The following KIF3B variants were observed in gnomAD, a reference collection of about 807,000 sequenced individuals.
KIF3B encodes kinesin-like protein KIF3B.
Under a neutral mutation model 74.3 loss-of-function variants are expected in KIF3B, and 38 were observed. The observed-to-expected ratio is 0.51, with a 90% CI of 0.39 to 0.67. KIF3B has a LOEUF of 0.67. KIF3B is among the 30% of genes least tolerant of loss of function. The probability of loss-of-function intolerance (pLI) is 0.00; values close to 1 mark genes in which losing one functional copy is unlikely to be tolerated. For missense variants in KIF3B, 649 were observed against 932.0 expected (o/e 0.70, Z 3.95); for synonymous variants, 326 against 342.5 (o/e 0.95, Z 0.53).
chr20:32,315,916 T>C (rs1350947983), intron 2 of KIF3B, among the ~76,000 whole-genome samples: 2 of 152,100 alleles, frequency 1.3e-5, no homozygotes, highest in Non-Finnish European at 2.9e-5. Context: ...AAGGGTCTGC[T>C]TAATATGTTC....
At chr20:32,297,977 G>A (rs936667574) in intron 1 of KIF3B, among the ~76,000 whole-genome samples, 17 of 152,122 alleles carry the variant, frequency 1.1e-4, no homozygotes, top group African/African-American at 3.9e-4. Context: ...GGGCAAGGTG[G>A]CGCATCCCTG....
chr20:32,309,760 A>C lies in KIF3B; in HGVS notation c.-18A>C, dbSNP rs753301218. 1.2e-5 allele frequency: 19 copies of C among 1,598,242 alleles called. No homozygotes were observed. Among genetic ancestry groups the C allele is most frequent in the Non-Finnish European group, 1.5e-5 (18 of 1,171,748 alleles). On this transcript the variant is annotated 5_prime_UTR_variant, in exon 2 of 9. Transcript: ENST00000375712. ...TTGAATTGACACTTCTCAAGATTTG[A>C]CTGGATCAGAGTTCATCATGTCAAA...
intron 6 of KIF3B, among the ~76,000 whole-genome samples, chr20:32,327,339 C>A (rs1334720576): frequency 3.3e-5 from 5 of 152,058 alleles, no homozygotes; most frequent in African/African-American, 1.2e-4. Flanking sequence ...TGAATGCTGT[C>A]TAAGAACTGG....
At chr20:32,301,440 C>T (rs924825073) in intron 1 of KIF3B, among the ~76,000 whole-genome samples, 11 of 151,776 alleles carry the variant, frequency 7.2e-5, no homozygotes, top group African/African-American at 2.2e-4. Context: ...TGTAATGGCG[C>T]GATCTCAGCT....
rs370166427 is a variant in KIF3B, at chr20:32,290,401, A to T, written c.-66+12636A>T. 1.2e-4 allele frequency among the ~76,000 whole-genome samples: 18 copies of T among 151,918 alleles called. No individual in the cohort carries two copies. In the East Asian group the frequency reaches 3.5e-3, roughly 30 times the overall value. ...ATCTCAAAAACAAACAAACAAAACT[A>T]GGAATGATAGAGCTGGGTTTCAGTC... On this transcript the variant is annotated intron_variant, in intron 1 of 8. Coordinates refer to ENST00000375712, the MANE Select transcript of KIF3B (RefSeq NM_004798.4).
chr20:32,286,006 T>C (rs1380498962), intron 1 of KIF3B, among the ~76,000 whole-genome samples: 1 of 152,230 alleles, frequency 6.6e-6, no homozygotes, highest in Non-Finnish European at 1.5e-5. Flanking sequence ...GCATGCTGAT[T>C]TATTTAACTC....
chr20:32,310,323 T>C lies in KIF3B; in HGVS notation c.546T>C (p.Phe182=). The C allele has an allele frequency of 6.2e-7, 1 of 1,613,896 alleles. No homozygotes were observed. The highest frequency in any genetic ancestry group is 8.5e-7 in the Non-Finnish European group (1 of 1,179,824). The change falls in exon 2 of 9, where the codon TTT becomes TTC. Residue 182 remains phenylalanine, a synonymous_variant. Coordinates refer to ENST00000375712, the MANE Select transcript of KIF3B (RefSeq NM_004798.4). This position sits in a 1 kb window ranked among gnomAD's most constrained non-coding sequence, Gnocchi z 6.5. ...TGTATGTGAAAGACCTGTCTTCCTT[T>C]GTCACCAAGAGTGTGAAGGAGATAG... ...TGVYVKDLSS[F]VTKSVKEIEH... is the part of the protein sequence containing the mutation.
intron 6 of KIF3B, 141 bp downstream of exon 6, chr20:32,327,025 A>C (rs2047907258): frequency 9.1e-6 from 5 of 549,846 alleles, no homozygotes; most frequent in Non-Finnish European, 1.3e-5. Context: ...TGCATTACTG[A>C]TTTTCTAGCT....
At chr20:32,285,395 C>T (rs2047663019) in intron 1 of KIF3B, among the ~76,000 whole-genome samples, 2 of 152,204 alleles carry the variant, frequency 1.3e-5, no homozygotes, top group African/African-American at 2.4e-5. Flanking sequence ...CATATAACAC[C>T]TGCCAACTAA....
In KIF3B at chr20:32,310,802, A is replaced by C; in HGVS notation, c.1025A>C (p.Asn342Thr). The change falls in exon 2 of 9, where the codon AAC (asparagine) becomes ACC (threonine). Residue 342 changes from asparagine (N) to threonine (T), a missense_variant. Asn to Thr is a moderately conservative substitution (Grantham distance 65, BLOSUM62 0). Coordinates refer to ENST00000375712, the MANE Select transcript of KIF3B (RefSeq NM_004798.4). The surrounding 1 kb of genome is among the most constrained non-coding windows in gnomAD (Gnocchi z 6.5). ...RYANRAKNIK[N>T]KPRVNEDPKD... ...GCCAACCGTGCCAAAAACATTAAGA[A>C]CAAACCAAGGGTCAATGAGGACCCC... is the stretch of plus-strand genomic sequence containing the variant. The C allele has an allele frequency of 6.2e-7, 1 of 1,614,176 alleles. No homozygotes were observed. Among genetic ancestry groups the C allele is most frequent in the Non-Finnish European group, 8.5e-7 (1 of 1,180,032 alleles).
intron 1 of KIF3B, among the ~76,000 whole-genome samples, chr20:32,288,257 A>G (rs1465886748): frequency 6.6e-6 from 1 of 152,018 alleles, no homozygotes; most frequent in Non-Finnish European, 1.5e-5. Flanking sequence ...GGGAGGCCTA[A>G]GTGGGAAGAT....
chr20:32,298,140 TA>T (rs922839414), intron 1 of KIF3B, among the ~76,000 whole-genome samples: 14 of 145,558 alleles, frequency 9.6e-5, no homozygotes, highest in Non-Finnish European at 1.4e-4. Context: ...TTTTTTGAAT[TA>T]AAAAAAAAAA....
intron 2 of KIF3B, among the ~76,000 whole-genome samples, chr20:32,312,824 A>C (rs1295075980): frequency 6.6e-6 from 1 of 152,202 alleles, no homozygotes; most frequent in Non-Finnish European, 1.5e-5. Flanking sequence ...TTGCAGCTTC[A>C]ACTTCTCTAG....
intron 1 of KIF3B, among the ~76,000 whole-genome samples, chr20:32,283,782 C>T (rs575500062): frequency 1.3e-5 from 2 of 152,216 alleles, no homozygotes; most frequent in East Asian, 3.9e-4. Flanking sequence ...TTCACTCCAG[C>T]CTGGGTGACA....
chr20:32,299,657 C>T (rs1005540818), intron 1 of KIF3B, among the ~76,000 whole-genome samples: 3 of 151,580 alleles, frequency 2.0e-5, no homozygotes, highest in Non-Finnish European at 4.4e-5. Flanking sequence ...GATGATCCTC[C>T]GGCGTCAGCC....
chr20:32,308,891 A>G (rs560187287), intron 1 of KIF3B, among the ~76,000 whole-genome samples: 84 of 150,268 alleles, frequency 5.6e-4, no homozygotes, highest in South Asian at 1.1e-3. Flanking sequence ...GATTTTTTGT[A>G]TATTTAGTAG....
At chr20:32,321,406 G>T (rs919460266) in intron 5 of KIF3B, among the ~76,000 whole-genome samples, 1 of 149,722 alleles carries the variant, frequency 6.7e-6, no homozygotes, top group South Asian at 2.1e-4. Context: ...TCCAGCCTGG[G>T]CAACAGAGCA....
chr20:32,313,283 C>G (rs1359925291), intron 2 of KIF3B, among the ~76,000 whole-genome samples: 1 of 152,178 alleles, frequency 6.6e-6, no homozygotes, highest in Non-Finnish European at 1.5e-5. Context: ...AGGATGGCCA[C>G]TGGCTAACCA....
chr20:32,319,590 T>G (rs1239438167), intron 5 of KIF3B, among the ~76,000 whole-genome samples: 9 of 142,614 alleles, frequency 6.3e-5, no homozygotes, highest in Admixed American at 2.8e-4. Flanking sequence ...TTGTTTTTTT[T>G]TTTTTTTTTT....
Sources: gnomAD v4.1 joint callset for allele counts (sites outside exome capture counted in the v4.1 genomes callset) on GRCh38, gnomAD v4.1.1 for gene constraint, Gnocchi (gnomAD v3.1) non-coding constraint, MANE v1.5 for transcripts, NCBI Gene and HGNC (gene_info 2026-07-23, HGNC 2026-07-21) for gene names.